Variants in ASAH2 observed in about 807,000 individuals in gnomAD.
The protein encoded by ASAH2 is N-acylsphingosine amidohydrolase 2.
A neutral mutation model predicts 82.9 loss-of-function variants in ASAH2; 58 were observed. The ratio of observed to expected loss-of-function variants is 0.70; its 90% CI spans 0.57 to 0.87. The LOEUF is 0.87. ASAH2 is among the 40% of genes least tolerant of loss of function. ASAH2 has a pLI of 0.00. For synonymous variants in ASAH2, 276 were observed against 289.7 expected (o/e 0.95, Z 0.48); for missense variants, 779 against 834.0 (o/e 0.93, Z 0.81).
chr10:50,202,848 GTAATGTAATGTGTA>G lies in ASAH2; in HGVS notation c.1728_1741del (p.Thr577HisfsTer3), dbSNP rs1845190272. On this transcript the variant is annotated frameshift_variant, in exon 16 of 21. Coordinates refer to ENST00000682911, the MANE Select transcript of ASAH2 (RefSeq NM_019893.4). LOFTEE classifies it high-confidence loss of function. ...CTTTACCTGGTATTCTTCATAAGTG[GTAATGTAATGTGTA>G]TAGACGTTGCATAGACCTGAAATAA... is the stretch of plus-strand genomic sequence containing the variant. The G allele has an allele frequency of 6.2e-7, 1 of 1,608,846 alleles. No individual in the cohort carries two copies. The highest frequency in any genetic ancestry group is 8.5e-7 in the Non-Finnish European group (1 of 1,175,814).
rs2669792 is a variant in ASAH2 at position 50,195,956 on chromosome 10, G to C, written c.2004+817C>G. ...AAGAATATAAAATTTCATTTAGACA[G>C]AGGGAATAAGTTCAAGAGGGCTACT... On this transcript the variant is annotated intron_variant, in intron 18 of 20. Transcript: ENST00000682911. Among the ~76,000 whole-genome samples the C allele has an allele frequency of 2.8e-4, 43 of 151,570 alleles. 1 individual carries two copies. Among genetic ancestry groups the C allele is most frequent in the African/African-American group, 1.0e-3 (42 of 41,470 alleles).
At chr10:50,218,037 G>A (rs1416989171) in intron 8 of ASAH2, among the ~76,000 whole-genome samples, 4 of 152,252 alleles carry the variant, frequency 2.6e-5, no homozygotes, top group African/African-American at 9.6e-5. Context: ...AGGCACAAGA[G>A]TTGCTGAACC....
At position 50,203,640 on chromosome 10, in the gene ASAH2, T is replaced by A. The variant is rs1845219217; in HGVS notation, c.1665A>T (p.Ala555=). 6.2e-7 allele frequency: 1 copy of A among 1,612,106 alleles called. No individual in the cohort carries two copies. Residue 555 remains alanine (A), a splice_region_variant and synonymous_variant, in exon 15 of 21, where the codon GCA becomes GCT. Transcript: ENST00000682911. ...SGRRLREAVQ[A]EFASHGMQNM... is the part of the protein sequence containing the mutation. ...ATATGTTATTTTATTTTTAACTTAC[T>A]GCTTGAACTGCCTCTCGAAGTCTTC...
intron 12 of ASAH2, among the ~76,000 whole-genome samples, chr10:50,209,120 T>C (rs1845386465): frequency 6.6e-6 from 1 of 152,098 alleles, no homozygotes; most frequent in Admixed American, 6.6e-5. Context: ...ATTACCTCCA[T>C]GATACACAAA....
At chr10:50,247,090 T>C (rs181713815) in intron 2 of ASAH2, among the ~76,000 whole-genome samples, 52 of 152,188 alleles carry the variant, frequency 3.4e-4, no homozygotes, top group African/African-American at 1.3e-3. Flanking sequence ...CTGTAATTAA[T>C]AATAACCTCC....
intron 18 of ASAH2, among the ~76,000 whole-genome samples, chr10:50,195,933 G>T (rs1200873129): frequency 6.6e-6 from 1 of 151,810 alleles, no homozygotes; most frequent in African/African-American, 2.4e-5. Context: ...ATTGATCAAA[G>T]AATATAAAAT....
chr10:50,213,419 C>T (rs1005460491), intron 9 of ASAH2, among the ~76,000 whole-genome samples: 3 of 152,110 alleles, frequency 2.0e-5, no homozygotes, highest in African/African-American at 7.2e-5. Context: ...GATTCTTACT[C>T]ATGATCACCT....
In ASAH2 at chr10:50,251,466, C is replaced by G. The variant is rs1024122610; in HGVS notation, c.-108G>C. 6.6e-6 allele frequency among the ~76,000 whole-genome samples: 1 copy of G among 152,186 alleles called. No individual in the cohort carries two copies. Among genetic ancestry groups the G allele is most frequent in the Admixed American group, 6.5e-5 (1 of 15,272 alleles). On this transcript the variant is annotated 5_prime_UTR_variant, in exon 1 of 21. Transcript: ENST00000682911. ...GGCCATCCAGAATCCTGTCCCCTTT[C>G]CCCTTGCACGTTGCTGGGCTTACAC...
intron 12 of ASAH2, among the ~76,000 whole-genome samples, 196 bp downstream of exon 12, chr10:50,210,627 T>A (rs1487490834): frequency 6.6e-6 from 1 of 152,114 alleles, no homozygotes; most frequent in Non-Finnish European, 1.5e-5. Context: ...TAGGAAAATA[T>A]GGAGACAGAA....
At chr10:50,229,134 T>G (rs1334876650) in intron 7 of ASAH2, among the ~76,000 whole-genome samples, 1 of 152,180 alleles carries the variant, frequency 6.6e-6, no homozygotes, top group African/African-American at 2.4e-5. Flanking sequence ...TCTCCCTTCA[T>G]GTTTTCTTCA....
Position 50,245,302 on chromosome 10 carries a change from G to A in ASAH2, c.280C>T (p.Pro94Ser), listed in dbSNP as rs1285843539. ...TSPVPLTPES[P>S]LFQNFSGYHI... is the part of the protein sequence containing the mutation. ...TAGCCACTGAAGTTCTGAAATAGAG[G>A]AGACTCTGGGGTTAAAGGCACTGGA... Residue 94 changes from proline (P) to serine (S), a missense_variant, in exon 3 of 21, where the codon CCT (proline) becomes TCT (serine). By Grantham distance (74) the Pro-to-Ser change is moderately conservative (BLOSUM62 -1). Around this residue, in one of 3 missense-constraint regions of ASAH2, gnomAD observed 759 missense variants for 755.2 expected, o/e 1.00. Coordinates refer to ENST00000682911, the MANE Select transcript of ASAH2 (RefSeq NM_019893.4). 1 of 1,613,952 alleles carries A rather than the reference G, an allele frequency of 6.2e-7. No homozygotes were observed. The highest frequency in any genetic ancestry group is 8.5e-7 in the Non-Finnish European group (1 of 1,180,004).
chr10:50,212,331 C>A lies in ASAH2; in HGVS notation c.1227+641G>T, dbSNP rs534696362. On this transcript the variant is annotated intron_variant, in intron 10 of 20. Transcript: ENST00000682911. ...AAATATGTCTCCATAGAAGCTGAAA[C>A]AAAATATGGGGACAAAATGGGAAAT... Among the ~76,000 whole-genome samples the A allele has an allele frequency of 8.6e-5, 13 of 151,896 alleles. No individual in the cohort carries two copies. In the South Asian group the frequency reaches 2.7e-3, roughly 32 times the overall value.
intron 8 of ASAH2, among the ~76,000 whole-genome samples, chr10:50,215,161 T>C (rs1427924681): frequency 6.6e-6 from 1 of 152,216 alleles, no homozygotes; most frequent in African/African-American, 2.4e-5. Context: ...TCCTAAATGG[T>C]ATTTGCCTAG....
chr10:50,216,994 A>T (rs1845617170), intron 8 of ASAH2, among the ~76,000 whole-genome samples: 1 of 152,090 alleles, frequency 6.6e-6, no homozygotes, highest in South Asian at 2.1e-4. Flanking sequence ...TTGAAATTTG[A>T]TCTCCATTGT....
At chr10:50,233,353 A>C in intron 6 of ASAH2, 92 bp from the exon 7 acceptor site, 1 of 890,478 alleles carries the variant, frequency 1.1e-6, no homozygotes, top group Non-Finnish European at 1.9e-6. Context: ...AAAAACAAAA[A>C]TGCCTCTCAG....
chr10:50,220,030 A>G (rs1342515000), intron 7 of ASAH2, among the ~76,000 whole-genome samples: 2 of 152,350 alleles, frequency 1.3e-5, no homozygotes, highest in African/African-American at 4.8e-5. Context: ...AATGGCATGG[A>G]AACAAAGGAC....
At chr10:50,241,032 G>C (rs1432111548) in intron 4 of ASAH2, among the ~76,000 whole-genome samples, 1 of 152,158 alleles carries the variant, frequency 6.6e-6, no homozygotes, top group East Asian at 1.9e-4. Flanking sequence ...CATTCTCTTG[G>C]GTCACTCACT....
chr10:50,213,838 C>A (rs1335270309), intron 9 of ASAH2, among the ~76,000 whole-genome samples: 1 of 152,034 alleles, frequency 6.6e-6, no homozygotes, highest in East Asian at 1.9e-4. Flanking sequence ...TTTATTAATA[C>A]TGGTTTAACC....
chr10:50,198,926 C>G (rs1234614117), intron 17 of ASAH2, 125 bp downstream of exon 17: 1 of 1,030,812 alleles, frequency 9.7e-7, no homozygotes, highest in African/African-American at 1.6e-5. Flanking sequence ...ACTGAACACT[C>G]GAAGCTAAGG....
Sources: allele counts gnomAD v4.1 joint callset (sites outside exome capture counted in the v4.1 genomes callset), GRCh38; gene constraint gnomAD v4.1.1; regional missense constraint gnomAD v4.1.1; transcripts MANE v1.5; gene names NCBI Gene and HGNC (gene_info 2026-07-23, HGNC 2026-07-21).